The following IP6K3 variants were observed in gnomAD, a reference collection of about 807,000 sequenced individuals.
The protein encoded by IP6K3 is ATP:1D-myo-inositol-hexakisphosphate phosphotransferase.
In IP6K3, 20 loss-of-function variants were observed where a neutral mutation model predicts 28.8. That is an observed-to-expected ratio of 0.70 (90% CI 0.49 to 1.01). The LOEUF is 1.01. Ranked by LOEUF, IP6K3 falls within the 50% of genes least tolerant of loss-of-function variation. The pLI is 0.00. For synonymous variants in IP6K3, 213 were observed against 221.3 expected (o/e 0.96, Z 0.33); for missense variants, 480 against 537.1 (o/e 0.89, Z 1.05).
At chr6:33,760,286 T>C in the IP6K3 span, among the ~76,000 whole-genome samples, 6 of 152,198 alleles carry the variant, frequency 3.9e-5, no homozygotes, top group Non-Finnish European at 8.8e-5. Flanking sequence ...CCTTCCCCCA[T>C]GGGTCATCCA....
chr6:33,751,905 C>G (rs956759557), upstream of IP6K3, among the ~76,000 whole-genome samples: 23 of 152,326 alleles, frequency 1.5e-4, no homozygotes, highest in Admixed American at 1.5e-3. This position sits in a 1 kb window ranked among gnomAD's most constrained non-coding sequence, Gnocchi z 4.3. Context: ...GAGGAGATGA[C>G]TGCCCCTGCA....
chr6:33,733,467 T>C (rs1766392558), intron 2 of IP6K3, among the ~76,000 whole-genome samples: 1 of 152,242 alleles, frequency 6.6e-6, no homozygotes, highest in Non-Finnish European at 1.5e-5. Flanking sequence ...GGCCAGCCTC[T>C]CTGCCTCTCC....
chr6:33,748,854 G>A (rs1766981619), upstream of IP6K3, among the ~76,000 whole-genome samples: 1 of 151,778 alleles, frequency 6.6e-6, no homozygotes, highest in South Asian at 2.1e-4. Context: ...GTTTAAAGTG[G>A]GGTGGGGATC....
rs150075864 is a variant in IP6K3 at position 33,722,691 on chromosome 6, C to T, written c.*29G>A. 3.8e-5 allele frequency: 56 copies of T among 1,489,382 alleles called. No individual in the cohort carries two copies. Among genetic ancestry groups the T allele is most frequent in the African/African-American group, 6.9e-5 (5 of 71,988 alleles). The allele number at this position is 1,489,382 out of a possible 1,614,324, so 92.3% of individuals were successfully genotyped here. A position where few individuals can be genotyped will look rare whatever the true frequency, so the allele number is the denominator to read the frequency against. On this transcript the variant is annotated 3_prime_UTR_variant, in exon 6 of 6. Coordinates refer to ENST00000293756, the MANE Select transcript of IP6K3 (RefSeq NM_054111.5). ...AGGTCTCTATTTGAGATCTATAGCC[C>T]AGAAGAATCCAGATAAGCCCAGGAA...
the IP6K3 span, among the ~76,000 whole-genome samples, chr6:33,752,432 C>T: frequency 2.6e-5 from 4 of 152,346 alleles, no homozygotes; most frequent in East Asian, 7.7e-4. Flanking sequence ...AGCATCTCCC[C>T]AGGGCATGCC....
the IP6K3 span, among the ~76,000 whole-genome samples, chr6:33,751,986 C>A: frequency 6.6e-6 from 1 of 152,198 alleles, no homozygotes; most frequent in African/African-American, 2.4e-5. The surrounding 1 kb of genome is among the most constrained non-coding windows in gnomAD (Gnocchi z 4.3). Flanking sequence ...ATCCACATCC[C>A]CCCAGACCAC....
rs1163995818 is a variant in IP6K3, at chr6:33,723,155, G to T, written c.798C>A (p.Cys266Ter). 4 of 1,598,202 alleles carry T rather than the reference G, an allele frequency of 2.5e-6. No homozygotes were observed. The highest frequency in any genetic ancestry group is 2.6e-6 in the Non-Finnish European group (3 of 1,172,070). ...GTTTTCTTCCATAGTACTTGTCTTT[G>T]CAGAGAAAGTACTTCTTATCTGTTT... The part of the protein sequence containing the change: ...VYQTDKKYFL[C>*]KDKYYGRKLS... Residue 266 changes from cysteine (C) to a stop codon, truncating the protein, a stop_gained, in exon 6 of 6, where the codon TGC (cysteine) becomes TGA (stop). Coordinates refer to ENST00000293756, the MANE Select transcript of IP6K3 (RefSeq NM_054111.5). LOFTEE classifies it low-confidence loss of function (END_TRUNC).
At chr6:33,732,846 C>T (rs936823018) in intron 2 of IP6K3, among the ~76,000 whole-genome samples, 1 of 152,260 alleles carries the variant, frequency 6.6e-6, no homozygotes, top group African/African-American at 2.4e-5. Context: ...AGAGCCCTTT[C>T]AGGGACTCTT....
intron 3 of IP6K3, among the ~76,000 whole-genome samples, 160 bp from the exon 4 acceptor site, chr6:33,727,066 C>G (rs1766147240): frequency 6.6e-6 from 1 of 152,164 alleles, no homozygotes; most frequent in Admixed American, 6.5e-5. Context: ...CTGCCCAACT[C>G]CGGTTCTAGG....
In IP6K3 at chr6:33,728,067, A is replaced by T; in HGVS notation, c.413+20T>A. Reference sequence around the variant, plus strand: ...CCTGCCGAGGGACAGGGTTTCTGTCATCCTGCCCAGTGCCCTCACCTCTCC... The same window carrying T: ...CCTGCCGAGGGACAGGGTTTCTGTCTTCCTGCCCAGTGCCCTCACCTCTCC... On this transcript the variant is annotated intron_variant, in intron 3 of 5. Transcript: ENST00000293756. 6.3e-7 allele frequency: 1 copy of T among 1,598,006 alleles called. No individual in the cohort carries two copies.
At chr6:33,726,240 A>G (rs1313201819) in intron 4 of IP6K3, among the ~76,000 whole-genome samples, 1 of 152,184 alleles carries the variant, frequency 6.6e-6, no homozygotes, top group Non-Finnish European at 1.5e-5. Flanking sequence ...AGTCTACCCC[A>G]TGGGTGCTCC....
In IP6K3 at chr6:33,740,676, G is replaced by A. The variant is rs76959718; in HGVS notation, c.-179-5021C>T. ...AGATGCCACCCATCAAGCCGAGGCG[G>A]ATAAGGGCATCATAACTTGTCACAA... On this transcript the variant is annotated intron_variant, in intron 1 of 5. Coordinates refer to ENST00000293756, the MANE Select transcript of IP6K3 (RefSeq NM_054111.5). Among the ~76,000 whole-genome samples, 632 of 152,366 alleles carry A rather than the reference G, an allele frequency of 4.1e-3. 3 individuals are homozygous for A. The highest frequency in any genetic ancestry group is 0.014 in the Middle Eastern group (4 of 294).
chr6:33,725,211 A>G (rs547237807), intron 5 of IP6K3, among the ~76,000 whole-genome samples: 91 of 148,998 alleles, frequency 6.1e-4, no homozygotes, highest in African/African-American at 2.2e-3. Context: ...CCTGGGCGAC[A>G]GAGCAAGACT....
At chr6:33,757,654 C>A in the IP6K3 span, among the ~76,000 whole-genome samples, 1 of 152,134 alleles carries the variant, frequency 6.6e-6, no homozygotes, top group Admixed American at 6.5e-5. Context: ...CAGAGATATG[C>A]TTCCAGTTAA....
chr6:33,726,421 A>G (rs1234757929), intron 4 of IP6K3, among the ~76,000 whole-genome samples: 1 of 152,204 alleles, frequency 6.6e-6, no homozygotes, highest in Non-Finnish European at 1.5e-5. Context: ...CTAACCACAG[A>G]CATGCCCATC....
chr6:33,726,652 C>T, intron 4 of IP6K3, 79 bp downstream of exon 4: 1 of 1,400,306 alleles, frequency 7.1e-7, no homozygotes, highest in Non-Finnish European at 9.7e-7. Context: ...GTGTGTGTTT[C>T]CTCTACCCAC....
upstream of IP6K3, among the ~76,000 whole-genome samples, chr6:33,749,420 T>A (rs1766990540): frequency 6.6e-6 from 1 of 151,950 alleles, no homozygotes; most frequent in Non-Finnish European, 1.5e-5. Context: ...TTATTTCTGT[T>A]TTCCAACTTC....
rs182391340 is a variant in IP6K3, at chr6:33,743,482, T to G, written c.-180+3276A>C. On this transcript the variant is annotated intron_variant, in intron 1 of 5. Coordinates refer to ENST00000293756, the MANE Select transcript of IP6K3 (RefSeq NM_054111.5). The stretch of plus-strand genomic sequence containing the variant: ...GACCCAAAAACCATTTAAAACCACT[T>G]AGGTTGTAATGGGCAGGAGAAATTT... Among the ~76,000 whole-genome samples, 65 of 152,242 alleles carry G rather than the reference T, an allele frequency of 4.3e-4. No homozygotes were observed. In the East Asian group the frequency reaches 0.012, roughly 28 times the overall value.
intron 1 of IP6K3, among the ~76,000 whole-genome samples, chr6:33,743,614 A>G (rs905282712): frequency 2.6e-5 from 4 of 152,178 alleles, no homozygotes; most frequent in African/African-American, 7.2e-5. Flanking sequence ...AATCCATTCT[A>G]AAAATGACTC....
Sources: gnomAD v4.1 joint callset for allele counts (sites outside exome capture counted in the v4.1 genomes callset) on GRCh38, gnomAD v4.1.1 for gene constraint, Gnocchi (gnomAD v3.1) non-coding constraint, MANE v1.5 for transcripts, NCBI Gene and HGNC (gene_info 2026-07-23, HGNC 2026-07-21) for gene names.